The following ERBB4 variants were observed in gnomAD, a reference collection of about 807,000 sequenced individuals.
The protein encoded by ERBB4 is erb-b2 receptor tyrosine kinase 4.
In ERBB4, 42 loss-of-function variants were observed where a neutral mutation model predicts 158.0. The ratio of observed to expected loss-of-function variants is 0.27; its 90% CI spans 0.21 to 0.34. ERBB4 has a LOEUF of 0.34. ERBB4 is among the 10% of genes least tolerant of loss of function. ERBB4 has a pLI of 1.00. For synonymous variants in ERBB4, 583 were observed against 558.7 expected (o/e 1.04, Z -0.61); for missense variants, 1,333 against 1,624.1 (o/e 0.82, Z 3.08).
chr2:211,692,837 G>A (rs1203816894), intron 12 of ERBB4, among the ~76,000 whole-genome samples: 1 of 151,870 alleles, frequency 6.6e-6, no homozygotes, highest in Non-Finnish European at 1.5e-5. Context: ...CATCCTCAGG[G>A]GGCCATCATT....
chr2:211,628,949 T>C (rs1380453649), intron 17 of ERBB4, among the ~76,000 whole-genome samples: 2 of 152,254 alleles, frequency 1.3e-5, no homozygotes, highest in East Asian at 3.8e-4. Context: ...CATGTGTCTT[T>C]TGGCTGCATG....
intron 16 of ERBB4, among the ~76,000 whole-genome samples, chr2:211,645,079 T>C (rs549518584): frequency 6.6e-6 from 1 of 151,964 alleles, no homozygotes; most frequent in East Asian, 1.9e-4. Flanking sequence ...TGAGTATTTA[T>C]TGGGATCACT....
intron 4 of ERBB4, among the ~76,000 whole-genome samples, chr2:211,780,868 C>T (rs577440475): frequency 5.7e-4 from 87 of 152,098 alleles, no homozygotes; most frequent in African/African-American, 2.0e-3. Flanking sequence ...GTATCCTTTC[C>T]ATGTCTGATG....
intron 1 of ERBB4, among the ~76,000 whole-genome samples, chr2:212,309,741 G>A (rs2086954730): frequency 7.9e-6 from 1 of 127,172 alleles, no homozygotes; most frequent in African/African-American, 2.5e-5. Flanking sequence ...TCAATGCCAT[G>A]GTAAGCTTTG....
At chr2:211,564,634 A>G (rs2067496290) in intron 19 of ERBB4, among the ~76,000 whole-genome samples, 1 of 152,192 alleles carries the variant, frequency 6.6e-6, no homozygotes, top group Non-Finnish European at 1.5e-5. Context: ...ATCTTGATAC[A>G]TGTACCTTCC....
At chr2:212,214,941 G>A (rs1408184499) in intron 1 of ERBB4, among the ~76,000 whole-genome samples, 1 of 151,426 alleles carries the variant, frequency 6.6e-6, no homozygotes, top group African/African-American at 2.4e-5. Flanking sequence ...TAAAATACTG[G>A]TACTTAATCT....
intron 1 of ERBB4, among the ~76,000 whole-genome samples, chr2:212,318,308 G>C (rs1235366273): frequency 6.6e-6 from 1 of 151,508 alleles, no homozygotes; most frequent in Non-Finnish European, 1.5e-5. Context: ...AAAGTTATCT[G>C]ATATAATTAC....
intron 3 of ERBB4, among the ~76,000 whole-genome samples, chr2:211,876,406 C>T (rs1412692942): frequency 2.0e-5 from 3 of 152,038 alleles, no homozygotes; most frequent in South Asian, 2.1e-4. Context: ...CACCATTATG[C>T]GATGTGTATT....
intron 20 of ERBB4, among the ~76,000 whole-genome samples, chr2:211,540,855 A>G (rs888670091): frequency 6.6e-6 from 1 of 152,026 alleles, no homozygotes; most frequent in African/African-American, 2.4e-5. Context: ...AACTTACTGT[A>G]TAACAAAAAT....
At chr2:211,843,797 T>C (rs982190728) in intron 3 of ERBB4, among the ~76,000 whole-genome samples, 1 of 152,024 alleles carries the variant, frequency 6.6e-6, no homozygotes, top group Non-Finnish European at 1.5e-5. Flanking sequence ...TACTCCATAA[T>C]TAGTGTATAT....
intron 2 of ERBB4, among the ~76,000 whole-genome samples, chr2:212,086,371 A>AG (rs199667724): frequency 1.3e-5 from 2 of 151,526 alleles, no homozygotes; most frequent in Admixed American, 1.3e-4. Context: ...AAAAAAAAAA[A>AG]GAAAAAATAT....
At chr2:211,939,915 C>G (rs907846991) in intron 3 of ERBB4, among the ~76,000 whole-genome samples, 1 of 149,906 alleles carries the variant, frequency 6.7e-6, no homozygotes, top group Non-Finnish European at 1.5e-5. Flanking sequence ...CCACTACACT[C>G]CAGCCTGGGC....
At chr2:211,697,270 T>G (rs904317484) in intron 12 of ERBB4, among the ~76,000 whole-genome samples, 1 of 152,170 alleles carries the variant, frequency 6.6e-6, no homozygotes, top group Admixed American at 6.5e-5. Context: ...TTTAATAAAT[T>G]ATTTTGGATC....
intron 1 of ERBB4, among the ~76,000 whole-genome samples, chr2:212,450,727 A>G (rs917873344): frequency 6.6e-6 from 1 of 151,758 alleles, no homozygotes; most frequent in Non-Finnish European, 1.5e-5. Context: ...ATATTACTAT[A>G]TACTGACTCT....
chr2:211,699,706 A>C (rs1188151841), intron 12 of ERBB4, among the ~76,000 whole-genome samples: 1 of 152,182 alleles, frequency 6.6e-6, no homozygotes, highest in Non-Finnish European at 1.5e-5. Context: ...AACAAAAAAA[A>C]AATATGCCTA....
chr2:212,080,355 C>G (rs2078400315), intron 2 of ERBB4, among the ~76,000 whole-genome samples: 1 of 150,102 alleles, frequency 6.7e-6, no homozygotes, highest in African/African-American at 2.5e-5. Flanking sequence ...TTAAAATTAA[C>G]CCAAATCTAG....
rs528561528 is a variant in ERBB4 at position 211,443,372 on chromosome 2, G to A, written c.2488-12272C>T. 1.4e-3 allele frequency among the ~76,000 whole-genome samples: 218 copies of A among 152,020 alleles called. 5 individuals carry two copies. The highest frequency in any genetic ancestry group is 0.014 in the Admixed American group (217 of 15,222). On this transcript the variant is annotated intron_variant, in intron 20 of 27. Transcript: ENST00000342788. ...CTTACTTGCATATATGTTGCAAATT[G>A]CTTGCTGAATATTTTTAATTCTGGA... is the stretch of plus-strand genomic sequence containing the variant.
intron 20 of ERBB4, among the ~76,000 whole-genome samples, chr2:211,495,582 C>G (rs1312012352): frequency 1.3e-5 from 2 of 152,008 alleles, no homozygotes. Context: ...ATCACTGTTA[C>G]GCCTTGTCTG....
chr2:211,853,866 T>C (rs2077781692), intron 3 of ERBB4, among the ~76,000 whole-genome samples: 1 of 152,130 alleles, frequency 6.6e-6, no homozygotes, highest in African/African-American at 2.4e-5. Flanking sequence ...ACATTAGTTA[T>C]AATGACTTAA....
Sources: allele counts gnomAD v4.1 joint callset (sites outside exome capture counted in the v4.1 genomes callset), GRCh38; gene constraint gnomAD v4.1.1; transcripts MANE v1.5; gene names NCBI Gene and HGNC (gene_info 2026-07-23, HGNC 2026-07-21).